Variants in INSL6 observed in about 807,000 individuals in gnomAD.
INSL6 encodes the protein insulin like 6.
In INSL6, 16 loss-of-function variants were observed where a neutral mutation model predicts 9.4. The ratio of observed to expected loss-of-function variants is 1.70; its 90% CI spans 1.15 to 2.59. The LOEUF (loss-of-function observed/expected upper bound fraction) is 2.59. Ranked by LOEUF, INSL6 falls within the 30% of genes most tolerant of loss-of-function variation. INSL6 has a pLI of 0.00. For missense variants in INSL6, 391 were observed against 257.3 expected, an observed-to-expected ratio of 1.52 and a Z score of -3.56; for synonymous variants, 154 against 96.9, an observed-to-expected ratio of 1.59 and a Z score of -3.46.
chr9:5,132,445 C>T (rs538254970), intron 3 of INSL6, among the ~76,000 whole-genome samples: 1 of 152,046 alleles, frequency 6.6e-6, no homozygotes, highest in African/African-American at 2.4e-5. Context: ...CAATCAAATG[C>T]CAAAAATACC....
At chr9:5,181,003 T>C (rs7035749) in intron 1 of INSL6, among the ~76,000 whole-genome samples, 12,283 of 152,220 alleles carry the variant, frequency 0.081, 1,661 homozygotes, top group African/African-American at 0.28. Flanking sequence ...TACTGATATG[T>C]GCTGTCACCC....
the INSL6 span, among the ~76,000 whole-genome samples, chr9:5,074,466 TA>T: frequency 0.24 from 37,083 of 151,996 alleles, 4,734 homozygotes; most frequent in South Asian, 0.3. Context: ...TTTCAAACTT[TA>T]AAAAAATCAT....
At chr9:5,041,576 C>A in the INSL6 span, 1 of 509,574 alleles carries the variant, frequency 2.0e-6, no homozygotes, top group Non-Finnish European at 4.0e-6. Context: ...ACCTGCACTA[C>A]GTGCGGCGCC....
the INSL6 span, among the ~76,000 whole-genome samples, chr9:5,026,835 G>A: frequency 1.3e-5 from 2 of 152,138 alleles, no homozygotes; most frequent in Non-Finnish European, 2.9e-5. Flanking sequence ...ACCATTTGTT[G>A]ATGTACCTTC....
chr9:5,177,788 G>C (rs765948643), intron 1 of INSL6, among the ~76,000 whole-genome samples: 2 of 152,106 alleles, frequency 1.3e-5, no homozygotes, highest in Non-Finnish European at 2.9e-5. Context: ...TCCCAGCTTT[G>C]GAGAATCCAA....
chr9:5,046,856 C>A, the INSL6 span, among the ~76,000 whole-genome samples: 1 of 152,178 alleles, frequency 6.6e-6, no homozygotes, highest in African/African-American at 2.4e-5. Flanking sequence ...TTCACCTGTG[C>A]TGCAGAGCTA....
chr9:5,130,149 T>C (rs919769974), intron 3 of INSL6, among the ~76,000 whole-genome samples: 13 of 152,210 alleles, frequency 8.5e-5, no homozygotes, highest in African/African-American at 2.7e-4. Context: ...GCAAATTGCT[T>C]AACATTTTAT....
the INSL6 span, among the ~76,000 whole-genome samples, chr9:5,055,495 C>A: frequency 6.6e-6 from 1 of 151,948 alleles, no homozygotes; most frequent in Non-Finnish European, 1.5e-5. Flanking sequence ...AAGCAAGATA[C>A]AGCATAGTCT....
At chr9:5,067,154 T>G in the INSL6 span, among the ~76,000 whole-genome samples, 90 of 152,290 alleles carry the variant, frequency 5.9e-4, no homozygotes, top group Non-Finnish European at 1.1e-3. Context: ...GAAGCAAATT[T>G]TCTGTTTATT....
At chr9:5,042,007 C>G in the INSL6 span, 2 of 347,086 alleles carry the variant, frequency 5.8e-6, no homozygotes, top group African/African-American at 4.4e-5. Context: ...GGCCCACCCA[C>G]AGCGGCCCAG....
At chr9:5,133,064 G>A (rs1824321931) in intron 3 of INSL6, among the ~76,000 whole-genome samples, 1 of 152,148 alleles carries the variant, frequency 6.6e-6, no homozygotes. Flanking sequence ...TTCAGCAGAG[G>A]TGTTATGCCT....
chr9:5,085,658 T>C, the INSL6 span: 1 of 724,838 alleles, frequency 1.4e-6, no homozygotes. Context: ...TTGTGTGTTT[T>C]CCTTTTCGAG....
the INSL6 span, chr9:5,094,550 C>G: frequency 2.6e-5 from 4 of 152,272 alleles, no homozygotes; most frequent in Admixed American, 2.6e-4. Flanking sequence ...CTAAGTGGCT[C>G]AACTTATATG....
chr9:5,095,323 C>T, the INSL6 span, among the ~76,000 whole-genome samples: 1 of 151,772 alleles, frequency 6.6e-6, no homozygotes, highest in African/African-American at 2.4e-5. Context: ...CTGAACAGGC[C>T]TAGGAATAAA....
At chr9:5,043,215 G>T in the INSL6 span, among the ~76,000 whole-genome samples, 2 of 152,364 alleles carry the variant, frequency 1.3e-5, no homozygotes, top group Non-Finnish European at 1.5e-5. Flanking sequence ...AGTGCCCAGG[G>T]CGGTGGCCGT....
chr9:5,119,205 C>A (rs936120286), downstream of INSL6, among the ~76,000 whole-genome samples: 6 of 152,128 alleles, frequency 3.9e-5, no homozygotes, highest in Admixed American at 3.3e-4. Context: ...TAATTTCTGG[C>A]AGAAAAACTC....
At chr9:5,148,755 T>C (rs1168299740) in intron 2 of INSL6, among the ~76,000 whole-genome samples, 1 of 152,168 alleles carries the variant, frequency 6.6e-6, no homozygotes, top group Non-Finnish European at 1.5e-5. Flanking sequence ...GGCTCCCTTT[T>C]CCAGACATTT....
At chr9:5,044,280 T>G in the INSL6 span, 2 of 663,770 alleles carry the variant, frequency 3.0e-6, no homozygotes, top group Admixed American at 2.6e-5. Context: ...TATTTAATAC[T>G]GTTAGCTGTG....
chr9:5,077,223 T>TTA, the INSL6 span, among the ~76,000 whole-genome samples: 1 of 150,072 alleles, frequency 6.7e-6, no homozygotes, highest in South Asian at 2.1e-4. Context: ...TACATTTATG[T>TTA]TATATATAAT....
Sources: gnomAD v4.1 joint callset for allele counts (sites outside exome capture counted in the v4.1 genomes callset) on GRCh38, gnomAD v4.1.1 for gene constraint, MANE v1.5 for transcripts, NCBI Gene and HGNC (gene_info 2026-07-23, HGNC 2026-07-21) for gene names.